Variants in IMMP2L observed in about 807,000 individuals in gnomAD.
The protein encoded by IMMP2L is inner mitochondrial membrane peptidase subunit 2.
IMMP2L carries 18 observed loss-of-function variants against 19.3 expected under a neutral mutation model. That is an observed-to-expected ratio of 0.93 (90% CI 0.64 to 1.38). The LOEUF (loss-of-function observed/expected upper bound fraction) is 1.38. Ranked by LOEUF, IMMP2L falls within the 40% of genes most tolerant of loss-of-function variation. The pLI is 0.00. For synonymous variants in IMMP2L, 76 were observed against 73.0 expected (o/e 1.04, Z -0.21); for missense variants, 233 against 218.2 (o/e 1.07, Z -0.43).
intron 3 of IMMP2L, among the ~76,000 whole-genome samples, chr7:111,066,887 G>C (rs1350466859): frequency 6.6e-6 from 1 of 152,198 alleles, no homozygotes; most frequent in African/African-American, 2.4e-5. Flanking sequence ...AGTCAACCTA[G>C]AGACTGAGAT....
At chr7:111,110,167 T>C (rs1235674644) in intron 3 of IMMP2L, among the ~76,000 whole-genome samples, 10 of 152,148 alleles carry the variant, frequency 6.6e-5, no homozygotes, top group Non-Finnish European at 1.0e-4. Flanking sequence ...TGAACTATAC[T>C]AAAATATGCA....
chr7:111,021,394 A>G (rs1307147920), intron 3 of IMMP2L, among the ~76,000 whole-genome samples: 1 of 152,224 alleles, frequency 6.6e-6, no homozygotes, highest in East Asian at 1.9e-4. Context: ...TACTCACTGT[A>G]TTAGTCTGTT....
At chr7:110,779,135 C>T (rs1209700093) in intron 5 of IMMP2L, among the ~76,000 whole-genome samples, 1 of 151,800 alleles carries the variant, frequency 6.6e-6, no homozygotes, top group Non-Finnish European at 1.5e-5. Context: ...TAACCATCTC[C>T]CAGAAGTCAA....
intron 5 of IMMP2L, among the ~76,000 whole-genome samples, chr7:110,694,845 A>G (rs142773227): frequency 6.6e-6 from 1 of 152,224 alleles, no homozygotes; most frequent in African/African-American, 2.4e-5. Flanking sequence ...AATGTGATAT[A>G]TATCTATCTA....
intron 3 of IMMP2L, among the ~76,000 whole-genome samples, chr7:111,436,908 G>A (rs946886524): frequency 6.6e-6 from 1 of 151,558 alleles, no homozygotes; most frequent in Admixed American, 6.6e-5. Flanking sequence ...AGCAAGAGTG[G>A]AGAGGTGCCA....
intron 3 of IMMP2L, among the ~76,000 whole-genome samples, chr7:111,050,723 A>T (rs1210263345): frequency 1.3e-5 from 2 of 152,188 alleles, no homozygotes; most frequent in African/African-American, 4.8e-5. Context: ...AAAATATATC[A>T]TTTTGGGTTC....
At chr7:111,517,128 T>TA (rs1452902977) in intron 2 of IMMP2L, among the ~76,000 whole-genome samples, 1 of 151,850 alleles carries the variant, frequency 6.6e-6, no homozygotes, top group East Asian at 1.9e-4. Context: ...AAAAAAAACA[T>TA]AGATTGAAAG....
intron 5 of IMMP2L, among the ~76,000 whole-genome samples, chr7:110,674,250 G>A (rs113720988): frequency 6.6e-6 from 1 of 152,244 alleles, no homozygotes; most frequent in Non-Finnish European, 1.5e-5. Flanking sequence ...TGAGAACTCA[G>A]TCACTATCAT....
At chr7:110,750,053 C>T (rs1797626758) in intron 5 of IMMP2L, among the ~76,000 whole-genome samples, 2 of 151,954 alleles carry the variant, frequency 1.3e-5, no homozygotes, top group African/African-American at 4.8e-5. Context: ...AAAAACTTTT[C>T]AATAGACAAA....
At chr7:111,271,024 T>A (rs1339513277) in intron 3 of IMMP2L, among the ~76,000 whole-genome samples, 1 of 152,144 alleles carries the variant, frequency 6.6e-6, no homozygotes, top group African/African-American at 2.4e-5. Context: ...GAACTGTAGT[T>A]CCCATAATCA....
intron 3 of IMMP2L, among the ~76,000 whole-genome samples, chr7:111,412,828 T>A (rs892126614): frequency 2.0e-5 from 3 of 149,892 alleles, no homozygotes; most frequent in Non-Finnish European, 3.0e-5. Context: ...TTAGAAGAAA[T>A]TTTTTTTTTA....
At chr7:111,345,077 C>T (rs1827404574) in intron 3 of IMMP2L, among the ~76,000 whole-genome samples, 1 of 151,974 alleles carries the variant, frequency 6.6e-6, no homozygotes, top group African/African-American at 2.4e-5. Context: ...ATACAGTTTT[C>T]CTTAGAGTTT....
chr7:110,950,410 G>T (rs1237576310), intron 4 of IMMP2L, among the ~76,000 whole-genome samples: 1 of 151,810 alleles, frequency 6.6e-6, no homozygotes, highest in East Asian at 1.9e-4. Flanking sequence ...CTCCAATTTT[G>T]TTATTCTTTG....
At chr7:111,287,663 A>AT (rs1412683290) in intron 3 of IMMP2L, among the ~76,000 whole-genome samples, 1 of 152,160 alleles carries the variant, frequency 6.6e-6, no homozygotes. Context: ...TTGTTATGAA[A>AT]TTAAAAACTG....
intron 3 of IMMP2L, among the ~76,000 whole-genome samples, chr7:111,482,631 A>G (rs930335786): frequency 6.6e-6 from 1 of 152,064 alleles, no homozygotes; most frequent in African/African-American, 2.4e-5. Flanking sequence ...TGGTTCCAAG[A>G]AACTAAAAAA....
At chr7:111,195,657 C>G (rs1361584920) in intron 3 of IMMP2L, among the ~76,000 whole-genome samples, 1 of 46,608 alleles carries the variant, frequency 2.1e-5, no homozygotes, top group Non-Finnish European at 4.7e-5. Flanking sequence ...TATGTGAGCT[C>G]ATTTATTTCC....
chr7:111,078,661 A>G (rs906872055), intron 3 of IMMP2L, among the ~76,000 whole-genome samples: 2 of 152,078 alleles, frequency 1.3e-5, no homozygotes, highest in Non-Finnish European at 2.9e-5. Context: ...TTTCTTCCCC[A>G]TTTCTTTATC....
intron 3 of IMMP2L, among the ~76,000 whole-genome samples, chr7:111,412,336 A>C (rs1834508637): frequency 6.6e-6 from 1 of 151,848 alleles, no homozygotes; most frequent in South Asian, 2.1e-4. Context: ...CAGAACACTC[A>C]CCCAACAATA....
chr7:110,847,368 T>C (rs554897595), intron 5 of IMMP2L, among the ~76,000 whole-genome samples: 25 of 152,338 alleles, frequency 1.6e-4, no homozygotes, highest in Admixed American at 2.6e-4. Context: ...AAACATGTTT[T>C]ATCTTAAATA....
Sources: gnomAD v4.1 joint callset for allele counts (sites outside exome capture counted in the v4.1 genomes callset) on GRCh38, gnomAD v4.1.1 for gene constraint, MANE v1.5 for transcripts, NCBI Gene and HGNC (gene_info 2026-07-23, HGNC 2026-07-21) for gene names.